RBFOX2: variants seen among roughly 807,000 people sequenced by gnomAD.
RBFOX2 encodes the protein RNA binding protein fox-1 homolog 2.
A neutral mutation model predicts 49.1 loss-of-function variants in RBFOX2; 10 were observed. The observed-to-expected ratio is 0.20, with a 90% CI of 0.13 to 0.35. The LOEUF (loss-of-function observed/expected upper bound fraction) is 0.35, where lower values mean the gene tolerates loss of function less well. Ranked by LOEUF, RBFOX2 falls within the 10% of genes least tolerant of loss-of-function variation. The pLI, the probability that RBFOX2 is intolerant of heterozygous loss-of-function variation, is 1.00. For synonymous variants in RBFOX2, 183 were observed against 187.4 expected (o/e 0.98, Z 0.19); for missense variants, 323 against 486.9 (o/e 0.66, Z 3.17).
intron 1 of RBFOX2, among the ~76,000 whole-genome samples, chr22:35,975,693 C>T (rs188969968): frequency 1.5e-4 from 23 of 152,102 alleles, no homozygotes; most frequent in Non-Finnish European, 1.8e-4. Context: ...GTATCTTTTC[C>T]CTTTTGATGT....
At chr22:35,822,652 A>G (rs1259937989) in intron 1 of RBFOX2, among the ~76,000 whole-genome samples, 1 of 152,186 alleles carries the variant, frequency 6.6e-6, no homozygotes, top group Non-Finnish European at 1.5e-5. Flanking sequence ...GCTTTGTGTT[A>G]GTGTAAGCCA....
intron 1 of RBFOX2, among the ~76,000 whole-genome samples, chr22:35,920,894 A>G (rs972131865): frequency 2.0e-5 from 3 of 152,224 alleles, no homozygotes; most frequent in Non-Finnish European, 4.4e-5. Context: ...ACGCTGAAAC[A>G]AGATAATCAA....
chr22:35,840,099 G>T, intron 1 of RBFOX2: 1 of 1,494,262 alleles, frequency 6.7e-7, no homozygotes, highest in Non-Finnish European at 9.3e-7. Flanking sequence ...AGACAATAAT[G>T]ATTAAAACTC....
At chr22:35,952,429 T>G (rs1361121626) in intron 1 of RBFOX2, among the ~76,000 whole-genome samples, 1 of 152,258 alleles carries the variant, frequency 6.6e-6, no homozygotes, top group Non-Finnish European at 1.5e-5. Context: ...TGTTAAATGC[T>G]GAGGACACAA....
intron 2 of RBFOX2, among the ~76,000 whole-genome samples, chr22:35,793,322 G>A (rs1409538680): frequency 6.6e-6 from 1 of 152,200 alleles, no homozygotes; most frequent in African/African-American, 2.4e-5. Flanking sequence ...GCAGTGAGCT[G>A]AAACCACGCC....
intron 1 of RBFOX2, among the ~76,000 whole-genome samples, chr22:35,882,972 A>G (rs192678643): frequency 6.6e-4 from 101 of 152,322 alleles, no homozygotes; most frequent in Non-Finnish European, 1.3e-3. Flanking sequence ...TCTACAAAAG[A>G]AAGGCAGGAA....
intron 1 of RBFOX2, among the ~76,000 whole-genome samples, chr22:35,928,370 T>TA (rs1169429517): frequency 6.6e-6 from 1 of 152,160 alleles, no homozygotes; most frequent in Non-Finnish European, 1.5e-5. Flanking sequence ...CACTCTGCCA[T>TA]ATACCTTAGG....
At chr22:35,965,084 G>A (rs1400563456), upstream of RBFOX2, among the ~76,000 whole-genome samples, 1 of 152,148 alleles carries the variant, frequency 6.6e-6, no homozygotes, top group East Asian at 1.9e-4. Flanking sequence ...ATATAGCCAA[G>A]GTGTATATAG....
At chr22:35,860,045 CAACT>C (rs1280320597) in intron 1 of RBFOX2, among the ~76,000 whole-genome samples, 1 of 152,166 alleles carries the variant, frequency 6.6e-6, no homozygotes, top group African/African-American at 2.4e-5. Context: ...ACTTTTATCT[CAACT>C]AACTCATAAT....
At chr22:35,761,859 T>C (rs772956798) in intron 6 of RBFOX2, among the ~76,000 whole-genome samples, 31 of 152,320 alleles carry the variant, frequency 2.0e-4, no homozygotes, top group Non-Finnish European at 3.1e-4. Flanking sequence ...TGTGATGCAT[T>C]TTCTCAACCC....
intron 1 of RBFOX2, among the ~76,000 whole-genome samples, chr22:35,847,048 C>A (rs1268494921): frequency 6.6e-6 from 1 of 152,184 alleles, no homozygotes; most frequent in African/African-American, 2.4e-5. Context: ...ATCTGAAAGA[C>A]TGTCTATAAG....
chr22:35,810,105 C>T (rs1171127333), intron 1 of RBFOX2, 101 bp from the exon 3 acceptor site: 1 of 1,159,350 alleles, frequency 8.6e-7, no homozygotes, highest in Non-Finnish European at 1.2e-6. Flanking sequence ...TCTCTCACTG[C>T]ATAGGTAAAA....
chr22:35,990,042 G>A (rs1319168642), intron 1 of RBFOX2, among the ~76,000 whole-genome samples: 1 of 152,116 alleles, frequency 6.6e-6, no homozygotes, highest in Non-Finnish European at 1.5e-5. Context: ...AATCAGCTGG[G>A]CATGGTAGCA....
chr22:35,760,960 T>C (rs1396487360), intron 8 of RBFOX2, among the ~76,000 whole-genome samples: 2 of 152,220 alleles, frequency 1.3e-5, no homozygotes, highest in African/African-American at 4.8e-5. Context: ...CAGACTAAAA[T>C]ATTCTTCATA....
intron 1 of RBFOX2, among the ~76,000 whole-genome samples, chr22:35,949,075 G>A (rs1256274260): frequency 5.3e-5 from 8 of 152,030 alleles, no homozygotes; most frequent in East Asian, 1.9e-4. Flanking sequence ...ATTTATTTGC[G>A]CCGTGACATA....
chr22:36,006,965 T>C (rs560461307), intron 1 of RBFOX2, among the ~76,000 whole-genome samples: 3 of 151,916 alleles, frequency 2.0e-5, no homozygotes, highest in South Asian at 4.1e-4. Flanking sequence ...CATTTGTTCA[T>C]AAAATTCCAA....
At chr22:36,000,249 C>A (rs2058360481) in intron 1 of RBFOX2, 2 of 152,134 alleles carry the variant, frequency 1.3e-5, no homozygotes, top group African/African-American at 4.8e-5. Flanking sequence ...GATCCACCAA[C>A]CTCGGCCTCC....
chr22:35,821,213 A>AT (rs1203002811), intron 1 of RBFOX2, among the ~76,000 whole-genome samples: 3 of 152,068 alleles, frequency 2.0e-5, no homozygotes, highest in African/African-American at 4.8e-5. Flanking sequence ...TTGGTAATTC[A>AT]TTTTTTCTTT....
At chr22:35,829,789 A>G (rs1210687185) in intron 1 of RBFOX2, among the ~76,000 whole-genome samples, 1 of 152,152 alleles carries the variant, frequency 6.6e-6, no homozygotes, top group Non-Finnish European at 1.5e-5. Flanking sequence ...GCCAATCCCT[A>G]AGATTTCATT....
Sources: gnomAD v4.1 joint callset for allele counts (sites outside exome capture counted in the v4.1 genomes callset) on GRCh38, gnomAD v4.1.1 for gene constraint, MANE v1.5 for transcripts, NCBI Gene and HGNC (gene_info 2026-07-23, HGNC 2026-07-21) for gene names.